TPR: variants seen among roughly 807,000 people sequenced by gnomAD.
TPR encodes translocated promoter region, nuclear basket protein, also known as nucleoprotein TPR.
A neutral mutation model predicts 316.1 loss-of-function variants in TPR; 51 were observed. The ratio of observed to expected loss-of-function variants is 0.16; its 90% CI spans 0.13 to 0.20. TPR has a LOEUF of 0.20. Among genes scored for constraint, TPR ranks in the 10% least tolerant of loss-of-function variants. The pLI is 1.00. For synonymous variants in TPR, 981 were observed against 914.7 expected, an observed-to-expected ratio of 1.07 and a Z score of -1.31; for missense variants, 2,272 against 2,754.8, an observed-to-expected ratio of 0.82 and a Z score of 3.92.
Position 186,359,109 on chromosome 1 carries a change from A to G in TPR, c.1390-459T>C, listed in dbSNP as rs564489228. 3.3e-5 allele frequency among the ~76,000 whole-genome samples: 5 copies of G among 152,274 alleles called. No individual in the cohort carries two copies. In the South Asian group the frequency reaches 1.0e-3, roughly 32 times the overall value. ...TTTATATTCTTTTCCAACAAAAGGG[A>G]AACAATTTATCAGTTTAGAAGAGTA... On this transcript the variant is annotated intron_variant, in intron 12 of 50. Coordinates refer to ENST00000367478, the MANE Select transcript of TPR (RefSeq NM_003292.3).
At position 186,333,150 on chromosome 1, in the gene TPR, A is replaced by C. The variant is rs1318406534; in HGVS notation, c.5427T>G (p.Pro1809=). Residue 1809 remains proline (P), a synonymous_variant, in exon 37 of 51, where the codon CCT becomes CCG. Coordinates refer to ENST00000367478, the MANE Select transcript of TPR (RefSeq NM_003292.3). Reference sequence around the variant, plus strand: ...TGCCAAATACTGCTGTGGAAGTAGAAGGCCGCTCAACTGGTGAACTCTGAA... The same window carrying C: ...TGCCAAATACTGCTGTGGAAGTAGACGGCCGCTCAACTGGTGAACTCTGAA... ...EVVQSSPVER[P]STSTAVFGTV... 1 of 1,613,368 alleles carries C rather than the reference A, an allele frequency of 6.2e-7. No homozygotes were observed. Among genetic ancestry groups the C allele is most frequent in the East Asian group, 2.2e-5 (1 of 44,884 alleles).
Position 186,355,574 on chromosome 1 carries a change from T to C in TPR, c.2023-16A>G. The C allele has an allele frequency of 6.2e-7, 1 of 1,612,128 alleles. No individual in the cohort carries two copies. Among genetic ancestry groups the C allele is most frequent in the Non-Finnish European group, 8.5e-7 (1 of 1,179,618 alleles). On this transcript the variant is annotated splice_polypyrimidine_tract_variant and intron_variant, in intron 16 of 50. Transcript: ENST00000367478. ...TTTCCTGCAACTAAATATTGGAGAT[T>C]ATGAGAAGGTAACACTGTGTTCTCT...
Position 186,312,430 on chromosome 1 carries a change from C to A in TPR, c.*1541G>T, listed in dbSNP as rs1413187150. 7.0e-5 allele frequency: 102 copies of A among 1,453,798 alleles called. 2 individuals are homozygous for A. Among genetic ancestry groups the A allele is most frequent in the South Asian group, 4.0e-4 (31 of 78,036 alleles). 90.1% of individuals were successfully genotyped at this position (1,453,798 alleles called of 1,614,324 possible). On this transcript the variant is annotated 3_prime_UTR_variant, in exon 51 of 51. Transcript: ENST00000367478. ...AACATAAGTAGATGTAATACAGTTT[C>A]TTATACAGTAAGGCTTATGAAATAT...
At chr1:186,363,469 A>C (rs776693550) in intron 4 of TPR, 24 bp from the exon 5 acceptor site, 35 of 1,477,354 alleles carry the variant, frequency 2.4e-5, no homozygotes, top group Non-Finnish European at 3.2e-5. Context: ...GAGAATTAAA[A>C]AATAATAACT....
At position 186,361,999 on chromosome 1, in the gene TPR, C is replaced by G. The variant is rs553655698; in HGVS notation, c.790-130G>C. ...CTAAAACACTCAAATTCAAATCAGT[C>G]TTCATGACAAAGATAAATTAAGGAT... On this transcript the variant is annotated intron_variant, in intron 7 of 50. Transcript: ENST00000367478. 1.0e-4 allele frequency: 80 copies of G among 770,122 alleles called. No individual in the cohort carries two copies. In the East Asian group the frequency reaches 1.5e-3, roughly 14 times the overall value. 47.7% of individuals were successfully genotyped at this position (770,122 alleles called of 1,614,324 possible). A position where few individuals can be genotyped will look rare whatever the true frequency, so the allele number is the denominator to read the frequency against.
chr1:186,343,668 A>G (rs1658585158), intron 26 of TPR, among the ~76,000 whole-genome samples, 195 bp from the exon 27 acceptor site: 1 of 152,194 alleles, frequency 6.6e-6, no homozygotes, highest in South Asian at 2.1e-4. Context: ...TATCTCTAAA[A>G]TGATCTGAAA....
At chr1:186,357,375 G>A (rs1659060725) in intron 14 of TPR, 22 bp downstream of exon 14, 2 of 1,607,844 alleles carry the variant, frequency 1.2e-6, no homozygotes, top group Non-Finnish European at 1.7e-6. Context: ...TGCTCAACAA[G>A]CTGAGGTATG....
intron 10 of TPR, among the ~76,000 whole-genome samples, 160 bp from the exon 11 acceptor site, chr1:186,360,524 T>C (rs1659154223): frequency 6.6e-6 from 1 of 152,026 alleles, no homozygotes; most frequent in Admixed American, 6.6e-5. Flanking sequence ...CATCTAATTC[T>C]AAAAAATCAT....
intron 17 of TPR, among the ~76,000 whole-genome samples, chr1:186,354,795 C>T (rs754725145): frequency 3.9e-5 from 6 of 152,200 alleles, no homozygotes; most frequent in Non-Finnish European, 8.8e-5. Flanking sequence ...TCTCATTTCT[C>T]TCATCATCTG....
chr1:186,373,598 A>T, intron 1 of TPR, 135 bp from the exon 2 acceptor site: 1 of 503,806 alleles, frequency 2.0e-6, no homozygotes, highest in South Asian at 3.9e-5. Flanking sequence ...ACATAAGAGA[A>T]TCTGAGTAAA....
At chr1:186,364,544 TA>T (rs1174563969) in intron 4 of TPR, among the ~76,000 whole-genome samples, 1 of 152,320 alleles carries the variant, frequency 6.6e-6, no homozygotes, top group East Asian at 1.9e-4. Flanking sequence ...TAGACTCTAA[TA>T]TGATACGAGG....
intron 45 of TPR, among the ~76,000 whole-genome samples, chr1:186,322,019 C>T (rs934159553): frequency 3.3e-5 from 5 of 152,112 alleles, no homozygotes; most frequent in African/African-American, 7.2e-5. Flanking sequence ...AACTTGCTAC[C>T]GCTAGTAAAC....
chr1:186,366,023 A>G (rs1227520218), intron 4 of TPR, among the ~76,000 whole-genome samples: 3 of 152,260 alleles, frequency 2.0e-5, no homozygotes, highest in Non-Finnish European at 4.4e-5. Context: ...TGATTACCCA[A>G]GACTGCTTTT....
chr1:186,354,962 G>C (rs961578751), intron 17 of TPR, among the ~76,000 whole-genome samples: 1 of 151,992 alleles, frequency 6.6e-6, no homozygotes, highest in Non-Finnish European at 1.5e-5. Context: ...GAGTGCAGTG[G>C]CCCCAATCTT....
chr1:186,327,023 TTA>T (rs1206456737), intron 40 of TPR, among the ~76,000 whole-genome samples: 12 of 67,972 alleles, frequency 1.8e-4, no homozygotes, highest in African/African-American at 5.7e-4. Flanking sequence ...AATATATATA[TTA>T]TATATATAAA....
At chr1:186,316,906 G>T (rs1353862912) in intron 49 of TPR, among the ~76,000 whole-genome samples, 1 of 152,168 alleles carries the variant, frequency 6.6e-6, no homozygotes, top group Non-Finnish European at 1.5e-5. Context: ...TTCTATTACA[G>T]GAATAATACA....
intron 40 of TPR, 145 bp downstream of exon 40, chr1:186,327,313 TAA>T (rs1491142580): frequency 2.9e-5 from 2 of 68,274 alleles, no homozygotes; most frequent in African/African-American, 1.2e-4. Flanking sequence ...TATAATATAT[TAA>T]ATATATAATA....
At chr1:186,315,217 C>CAA (rs1204501907) in intron 49 of TPR, among the ~76,000 whole-genome samples, 1 of 129,960 alleles carries the variant, frequency 7.7e-6, no homozygotes, top group African/African-American at 3.4e-5. Context: ...AAAAAAAAAA[C>CAA]AAACAAACAA....
rs999774327 is a variant in TPR at position 186,333,226 on chromosome 1, G to A, written c.5351C>T (p.Pro1784Leu). The A allele has an allele frequency of 1.9e-6, 3 of 1,613,552 alleles. No homozygotes were observed. Among genetic ancestry groups the A allele is most frequent in the Non-Finnish European group, 2.5e-6 (3 of 1,179,722 alleles). ...AFVQPTQQSH[P>L]QIEPANQELS... ...CTCTTGATTGGCAGGCTCAATCTGA[G>A]GATGACTCTGTTGAGTGGGTTGCAC... is the stretch of plus-strand genomic sequence containing the variant. The change falls in exon 37 of 51, where the codon CCT (proline) becomes CTT (leucine). Residue 1784 changes from proline (P) to leucine (L), a missense_variant. Coordinates refer to ENST00000367478, the MANE Select transcript of TPR (RefSeq NM_003292.3).
Sources: allele counts gnomAD v4.1 joint callset (sites outside exome capture counted in the v4.1 genomes callset), GRCh38; gene constraint gnomAD v4.1.1; transcripts MANE v1.5; gene names NCBI Gene and HGNC (gene_info 2026-07-23, HGNC 2026-07-21).